Variants in COG5 observed in about 807,000 individuals in gnomAD.
COG5 encodes the protein conserved oligomeric Golgi complex subunit 5.
Under a neutral mutation model 110.4 loss-of-function variants are expected in COG5, and 86 were observed. That is an observed-to-expected ratio of 0.78 (90% CI 0.65 to 0.93). COG5 has a LOEUF of 0.93. Among genes scored for constraint, COG5 ranks in the 40% least tolerant of loss-of-function variants. The pLI is 0.00. For missense variants in COG5, 1,077 were observed against 987.0 expected (o/e 1.09, Z -1.22); for synonymous variants, 360 against 334.6 (o/e 1.08, Z -0.83).
chr7:107,332,235 C>T (rs761146804), intron 10 of COG5, among the ~76,000 whole-genome samples: 10 of 152,058 alleles, frequency 6.6e-5, no homozygotes, highest in Admixed American at 2.0e-4. Context: ...TTAGCCTGTG[C>T]GAGCTTTTCC....
At chr7:107,299,831 A>ATATG in intron 11 of COG5, among the ~76,000 whole-genome samples, 1 of 72,432 alleles carries the variant, frequency 1.4e-5, no homozygotes, top group South Asian at 3.3e-4. Flanking sequence ...GTTGGCATAT[A>ATATG]TATATATATA....
chr7:107,524,891 A>G (rs1257344030), intron 6 of COG5, among the ~76,000 whole-genome samples: 3 of 152,128 alleles, frequency 2.0e-5, no homozygotes, highest in Non-Finnish European at 4.4e-5. Context: ...AACTCAGAAC[A>G]TTATGATCAA....
At chr7:107,485,335 G>C (rs1386058308) in intron 6 of COG5, among the ~76,000 whole-genome samples, 1 of 152,170 alleles carries the variant, frequency 6.6e-6, no homozygotes, top group African/African-American at 2.4e-5. Flanking sequence ...TTGATTCAAA[G>C]ATACAGTTAG....
intron 6 of COG5, among the ~76,000 whole-genome samples, chr7:107,421,117 T>C (rs1793258118): frequency 6.6e-6 from 1 of 152,206 alleles, no homozygotes; most frequent in African/African-American, 2.4e-5. Context: ...GCACCATTTT[T>C]CCTTTTTTCC....
chr7:107,521,020 T>C (rs979717046), intron 6 of COG5, among the ~76,000 whole-genome samples: 3 of 152,018 alleles, frequency 2.0e-5, no homozygotes, highest in African/African-American at 4.8e-5. Flanking sequence ...CTTCAACAAA[T>C]TGGACAACAA....
chr7:107,250,851 A>G (rs570793173), intron 16 of COG5, among the ~76,000 whole-genome samples: 1 of 152,204 alleles, frequency 6.6e-6, no homozygotes, highest in East Asian at 1.9e-4. Context: ...AAGAGAAAAA[A>G]TACTAAAAAA....
intron 6 of COG5, among the ~76,000 whole-genome samples, chr7:107,473,356 C>T (rs1262250874): frequency 6.6e-6 from 1 of 151,790 alleles, no homozygotes; most frequent in African/African-American, 2.4e-5. Context: ...AGCATAATGT[C>T]CCACTTCTTC....
At chr7:107,487,972 T>C (rs796774896) in intron 6 of COG5, among the ~76,000 whole-genome samples, 9 of 152,226 alleles carry the variant, frequency 5.9e-5, no homozygotes, top group African/African-American at 2.2e-4. Flanking sequence ...TCTGTAGTTT[T>C]TAATTTTCAG....
chr7:107,226,280 G>T (rs1800330046), intron 19 of COG5, among the ~76,000 whole-genome samples: 1 of 152,156 alleles, frequency 6.6e-6, no homozygotes, highest in Admixed American at 6.5e-5. Context: ...CTTTGGTGAG[G>T]AGACCCATGA....
intron 6 of COG5, among the ~76,000 whole-genome samples, chr7:107,418,071 A>G (rs1269241488): frequency 6.6e-6 from 1 of 152,192 alleles, no homozygotes; most frequent in Non-Finnish European, 1.5e-5. Flanking sequence ...AATTCAGACT[A>G]AAATCTTTTA....
intron 16 of COG5, among the ~76,000 whole-genome samples, chr7:107,253,992 G>T (rs1456988278): frequency 8.6e-5 from 13 of 151,872 alleles, no homozygotes; most frequent in Non-Finnish European, 1.9e-4. Context: ...TATCACCACT[G>T]GGCTCCTCAC....
chr7:107,517,438 G>A (rs547104878), intron 6 of COG5, among the ~76,000 whole-genome samples: 1 of 152,116 alleles, frequency 6.6e-6, no homozygotes, highest in Non-Finnish European at 1.5e-5. Flanking sequence ...TATTATCCAG[G>A]AGAACTTCCC....
intron 11 of COG5, among the ~76,000 whole-genome samples, chr7:107,305,325 T>C (rs1562960494): frequency 6.6e-6 from 1 of 152,154 alleles, no homozygotes. Context: ...TGCTACCCAT[T>C]TCTTGCTCAT....
chr7:107,485,299 A>G (rs1797592639), intron 6 of COG5, among the ~76,000 whole-genome samples: 1 of 152,182 alleles, frequency 6.6e-6, no homozygotes, highest in African/African-American at 2.4e-5. Context: ...CTTTGCCTGA[A>G]ATTTCTGATC....
intron 12 of COG5, among the ~76,000 whole-genome samples, chr7:107,288,327 A>G (rs540223567): frequency 6.6e-6 from 1 of 152,290 alleles, no homozygotes; most frequent in South Asian, 2.1e-4. Flanking sequence ...GCACCACTGC[A>G]CTCTAGCCTG....
intron 8 of COG5, among the ~76,000 whole-genome samples, chr7:107,365,596 CAAAAAAA>C (rs71134263): frequency 1.7e-3 from 63 of 36,704 alleles, no homozygotes; most frequent in African/African-American, 4.5e-3. Context: ...TGCAAAATGA[CAAAAAAA>C]AAAAAAAAAA....
chr7:107,514,024 T>C (rs1018432720), intron 6 of COG5, among the ~76,000 whole-genome samples: 1 of 151,788 alleles, frequency 6.6e-6, no homozygotes, highest in Non-Finnish European at 1.5e-5. Context: ...ATTGTGCACA[T>C]GTACCCTAAA....
chr7:107,528,644 T>C (rs1366674091), intron 5 of COG5, among the ~76,000 whole-genome samples: 1 of 152,142 alleles, frequency 6.6e-6, no homozygotes, highest in Non-Finnish European at 1.5e-5. Flanking sequence ...CAGTAGTGAT[T>C]ACAAAGGAAA....
At chr7:107,370,514 G>A (rs866505867) in intron 8 of COG5, among the ~76,000 whole-genome samples, 67 of 152,086 alleles carry the variant, frequency 4.4e-4, no homozygotes, top group African/African-American at 1.4e-3. Context: ...GGCTGGGCGC[G>A]GTGGCTCACG....
Sources: allele counts gnomAD v4.1 joint callset (sites outside exome capture counted in the v4.1 genomes callset), GRCh38; gene constraint gnomAD v4.1.1; transcripts MANE v1.5; gene names NCBI Gene and HGNC (gene_info 2026-07-23, HGNC 2026-07-21).